Variants in TYW1 observed in about 807,000 individuals in gnomAD.
The protein encoded by TYW1 is tRNA-yW synthesizing protein 1 homolog.
A neutral mutation model predicts 96.2 loss-of-function variants in TYW1; 46 were observed. The ratio of observed to expected loss-of-function variants is 0.48; its 90% confidence interval spans 0.38 to 0.61. TYW1 has a LOEUF of 0.61. TYW1 is among the 20% of genes least tolerant of loss of function. The pLI is 0.00. For synonymous variants in TYW1, 274 were observed against 323.0 expected (o/e 0.85, Z 1.63); for missense variants, 684 against 909.6 (o/e 0.75, Z 3.19).
intron 13 of TYW1, among the ~76,000 whole-genome samples, chr7:67,142,897 C>T (rs1798495029): frequency 6.6e-6 from 1 of 151,800 alleles, no homozygotes; most frequent in Non-Finnish European, 1.5e-5. Context: ...ACTAAAAACA[C>T]AAAAAATTAG....
intron 4 of TYW1, 142 bp from the exon 5 acceptor site, chr7:67,014,219 AGTCATG>A: frequency 8.9e-7 from 1 of 1,126,484 alleles, no homozygotes; most frequent in Non-Finnish European, 1.2e-6. Context: ...TGTGTTTCTT[AGTCATG>A]CCCTTCACTT....
chr7:67,003,682 T>C (rs1354151188), intron 3 of TYW1, among the ~76,000 whole-genome samples: 2 of 152,188 alleles, frequency 1.3e-5, no homozygotes, highest in African/African-American at 4.8e-5. Flanking sequence ...GTAGTATTTT[T>C]TGTGTAAGGT....
chr7:67,210,625 A>G (rs1800969128), intron 15 of TYW1, among the ~76,000 whole-genome samples: 1 of 152,138 alleles, frequency 6.6e-6, no homozygotes, highest in African/African-American at 2.4e-5. Context: ...ATATATCTGT[A>G]TCACCATCTC....
chr7:67,162,092 C>T (rs1413655224), intron 13 of TYW1, among the ~76,000 whole-genome samples: 2 of 151,878 alleles, frequency 1.3e-5, no homozygotes, highest in East Asian at 1.9e-4. Context: ...TTCAGGAGAT[C>T]GAGACCATTC....
chr7:67,161,501 T>A (rs1799161501), intron 13 of TYW1, among the ~76,000 whole-genome samples: 1 of 152,186 alleles, frequency 6.6e-6, no homozygotes, highest in African/African-American at 2.4e-5. Flanking sequence ...CTTGAGTAGG[T>A]GTTATTTTTG....
chr7:67,152,375 G>A (rs1464443094), intron 13 of TYW1, among the ~76,000 whole-genome samples: 1 of 152,032 alleles, frequency 6.6e-6, no homozygotes, highest in Non-Finnish European at 1.5e-5. Flanking sequence ...ATTTCACCTT[G>A]CTCACCATCA....
chr7:67,192,143 G>A (rs182508074), intron 14 of TYW1, among the ~76,000 whole-genome samples: 5,798 of 152,054 alleles, frequency 0.038, 330 homozygotes, highest in African/African-American at 0.13. Flanking sequence ...TGATCTGCCC[G>A]CCTCAGCCTC....
intron 7 of TYW1, among the ~76,000 whole-genome samples, chr7:67,031,955 A>G (rs1193875762): frequency 2.6e-5 from 4 of 152,206 alleles, no homozygotes; most frequent in Non-Finnish European, 4.4e-5. Flanking sequence ...CTCGTCAAAA[A>G]ATGTTTAGCT....
intron 8 of TYW1, among the ~76,000 whole-genome samples, chr7:67,050,292 A>G (rs1795315060): frequency 6.6e-6 from 1 of 152,150 alleles, no homozygotes; most frequent in African/African-American, 2.4e-5. Context: ...AGTGTGGGTC[A>G]AGTTCACAGA....
At chr7:67,002,837 CT>C (rs1793448298) in intron 3 of TYW1, among the ~76,000 whole-genome samples, 1 of 127,148 alleles carries the variant, frequency 7.9e-6, no homozygotes. Flanking sequence ...GTAACTTTTT[CT>C]TTTTCTTTTT....
At chr7:67,019,652 T>G (rs1186011829) in intron 6 of TYW1, among the ~76,000 whole-genome samples, 3 of 152,276 alleles carry the variant, frequency 2.0e-5, no homozygotes, top group Non-Finnish European at 4.4e-5. Flanking sequence ...TAAATATAAT[T>G]TAAAGAGTTT....
Position 67,238,341 on chromosome 7 carries a change from G to A in TYW1, c.2011G>A (p.Asp671Asn), listed in dbSNP as rs28450001. 389,989 of 1,611,134 alleles carry A rather than the reference G, an allele frequency of 0.24. 49,409 individuals carry two copies. Among genetic ancestry groups the A allele is most frequent in the African/African-American group, 0.36 (26,894 of 74,402 alleles). Residue 671 changes from aspartate to asparagine, a missense_variant, in exon 16 of 16, where the codon GAT becomes AAT. By Grantham distance (23) the Asp-to-Asn change is conservative. Transcript: ENST00000359626. ...TGGTGGTGAATGGTGGACATGGATC[G>A]ATTATAACCGCTTCCAGGAGCTCAT... ...KIGGEWWTWI[D>N]YNRFQELIQE...
intron 7 of TYW1, among the ~76,000 whole-genome samples, chr7:67,045,055 T>C (rs1795144535): frequency 6.6e-6 from 1 of 152,192 alleles, no homozygotes; most frequent in Non-Finnish European, 1.5e-5. Flanking sequence ...GTAAAACTCA[T>C]GTTTGTCAGT....
At chr7:67,142,619 G>T (rs1409082794) in intron 13 of TYW1, among the ~76,000 whole-genome samples, 5 of 151,860 alleles carry the variant, frequency 3.3e-5, no homozygotes, top group African/African-American at 1.2e-4. Flanking sequence ...TTTTTAAGAG[G>T]CAGGGTTTCG....
chr7:67,210,350 G>GC (rs766453680), intron 15 of TYW1, among the ~76,000 whole-genome samples: 2 of 152,156 alleles, frequency 1.3e-5, no homozygotes, highest in Non-Finnish European at 2.9e-5. Context: ...CGCACCTACT[G>GC]CCAGCATGGC....
intron 11 of TYW1, among the ~76,000 whole-genome samples, chr7:67,090,345 GT>G (rs1275551161): frequency 6.6e-6 from 1 of 152,132 alleles, no homozygotes; most frequent in Non-Finnish European, 1.5e-5. Context: ...AGAAGAGAAT[GT>G]TTTATTTCTG....
At chr7:67,224,784 G>A (rs911735397) in intron 15 of TYW1, among the ~76,000 whole-genome samples, 1 of 152,156 alleles carries the variant, frequency 6.6e-6, no homozygotes, top group East Asian at 1.9e-4. Context: ...ATTTATTAAG[G>A]TTACCGTGGT....
intron 13 of TYW1, among the ~76,000 whole-genome samples, chr7:67,153,112 C>T (rs1257518838): frequency 6.6e-6 from 1 of 152,146 alleles, no homozygotes; most frequent in Non-Finnish European, 1.5e-5. Flanking sequence ...GTTTCTTGGG[C>T]TTTCTTCCTA....
chr7:67,175,835 T>C (rs2116277346), intron 13 of TYW1, among the ~76,000 whole-genome samples: 1 of 152,330 alleles, frequency 6.6e-6, no homozygotes, highest in African/African-American at 2.4e-5. Context: ...ATGTTTAAAA[T>C]CTTACTGTGC....
Sources: allele counts gnomAD v4.1 joint callset (sites outside exome capture counted in the v4.1 genomes callset), GRCh38; gene constraint gnomAD v4.1.1; transcripts MANE v1.5; gene names NCBI Gene and HGNC (gene_info 2026-07-23, HGNC 2026-07-21).